The following SLC12A8 variants were observed in gnomAD, a reference collection of about 807,000 sequenced individuals.
SLC12A8 encodes the protein solute carrier family 12 member 8, also known as cation-chloride cotransporter 9.
SLC12A8 carries 69 observed loss-of-function variants against 75.6 expected under a neutral mutation model. The observed-to-expected ratio is 0.91, with a 90% CI of 0.75 to 1.11. The LOEUF (loss-of-function observed/expected upper bound fraction) is 1.11. Ranked by LOEUF, SLC12A8 falls within the 50% of genes most tolerant of loss-of-function variation. The pLI, the probability that SLC12A8 is intolerant of heterozygous loss-of-function variation, is 0.00. For synonymous variants in SLC12A8, 365 were observed against 372.8 expected, an observed-to-expected ratio of 0.98 and a Z score of 0.24; for missense variants, 877 against 896.7, an observed-to-expected ratio of 0.98 and a Z score of 0.28.
intron 10 of SLC12A8, among the ~76,000 whole-genome samples, chr3:125,106,793 T>TG (rs1371465765): frequency 6.6e-6 from 1 of 152,208 alleles, no homozygotes; most frequent in Non-Finnish European, 1.5e-5. Context: ...TGCAGGGTGA[T>TG]GTCCAGCTGT....
chr3:125,129,569 A>T (rs1019507093), intron 6 of SLC12A8, among the ~76,000 whole-genome samples: 3 of 152,158 alleles, frequency 2.0e-5, no homozygotes, highest in Non-Finnish European at 4.4e-5. Flanking sequence ...GGGATAAAAT[A>T]TCTGAAGTAA....
At chr3:125,167,363 C>A (rs1041592382) in intron 5 of SLC12A8, among the ~76,000 whole-genome samples, 4 of 152,162 alleles carry the variant, frequency 2.6e-5, no homozygotes, top group African/African-American at 9.7e-5. Context: ...CCAGGCTGGT[C>A]TCAAACTCCT....
At chr3:125,125,545 C>A (rs752781792) in intron 6 of SLC12A8, among the ~76,000 whole-genome samples, 4 of 152,064 alleles carry the variant, frequency 2.6e-5, no homozygotes, top group African/African-American at 7.2e-5. Flanking sequence ...GGTGACAGAG[C>A]AAGACTCCGT....
chr3:125,084,216 A>G (rs1560045634), intron 13 of SLC12A8, among the ~76,000 whole-genome samples, 164 bp from the exon 14 acceptor site: 2 of 151,100 alleles, frequency 1.3e-5, no homozygotes, highest in Non-Finnish European at 2.9e-5. Context: ...ATGAACTCAA[A>G]GCATGAGAAA....
At chr3:125,106,340 T>C (rs1939021025) in intron 10 of SLC12A8, among the ~76,000 whole-genome samples, 1 of 149,514 alleles carries the variant, frequency 6.7e-6, no homozygotes, top group African/African-American at 2.5e-5. Flanking sequence ...CTTAAAACAC[T>C]AGGTTTTTGG....
chr3:125,160,083 C>T (rs1203341085), intron 5 of SLC12A8, among the ~76,000 whole-genome samples: 3 of 152,332 alleles, frequency 2.0e-5, no homozygotes, highest in Admixed American at 6.5e-5. Flanking sequence ...CCTGAGACAA[C>T]AGGTGTGCAC....
intron 7 of SLC12A8, 197 bp from the exon 8 acceptor site, chr3:125,119,053 G>A: frequency 2.1e-6 from 1 of 481,608 alleles, no homozygotes; most frequent in Non-Finnish European, 3.8e-6. Context: ...TACCAAAAAA[G>A]GGGTACCATT....
chr3:125,091,760 T>C (rs1938587272), intron 11 of SLC12A8, among the ~76,000 whole-genome samples: 1 of 152,202 alleles, frequency 6.6e-6, no homozygotes, highest in Non-Finnish European at 1.5e-5. Context: ...AATAACTCTT[T>C]AATTAAAACT....
intron 9 of SLC12A8, among the ~76,000 whole-genome samples, chr3:125,109,558 T>C (rs1939131676): frequency 6.6e-6 from 1 of 152,160 alleles, no homozygotes; most frequent in Non-Finnish European, 1.5e-5. Flanking sequence ...AAATGAACTC[T>C]AGCTTGCAAA....
intron 2 of SLC12A8, among the ~76,000 whole-genome samples, chr3:125,208,773 CACACACACACACACACACAGAGAG>C (rs1935275434): frequency 7.8e-6 from 1 of 127,560 alleles, no homozygotes; most frequent in Non-Finnish European, 1.7e-5. Flanking sequence ...CACACACACA[CACACACACACACACACACAGAGAG>C]AGAGAGAGAG....
chr3:125,178,602 T>C (rs1198200792), intron 4 of SLC12A8, among the ~76,000 whole-genome samples: 1 of 152,234 alleles, frequency 6.6e-6, no homozygotes, highest in Non-Finnish European at 1.5e-5. Flanking sequence ...CTTATGGATT[T>C]TTTTCCAGTA....
chr3:125,165,094 G>C (rs913747873), intron 5 of SLC12A8, among the ~76,000 whole-genome samples: 1 of 152,180 alleles, frequency 6.6e-6, no homozygotes, highest in Non-Finnish European at 1.5e-5. Context: ...CTGCATCTTT[G>C]AGGAGGGGAA....
intron 4 of SLC12A8, among the ~76,000 whole-genome samples, chr3:125,183,825 G>C (rs1423263510): frequency 1.3e-5 from 2 of 152,056 alleles, no homozygotes; most frequent in South Asian, 2.1e-4. Context: ...AGGGGAGTCT[G>C]TAGTCCATCG....
At chr3:125,125,150 T>C (rs1185957413) in intron 6 of SLC12A8, among the ~76,000 whole-genome samples, 3 of 151,978 alleles carry the variant, frequency 2.0e-5, no homozygotes, top group Non-Finnish European at 4.4e-5. Flanking sequence ...AATGAAAACT[T>C]TCTTCATTAT....
At chr3:125,199,599 G>A (rs1365730076) in intron 2 of SLC12A8, among the ~76,000 whole-genome samples, 1 of 136,210 alleles carries the variant, frequency 7.3e-6, no homozygotes, top group African/African-American at 2.6e-5. Flanking sequence ...AAAAAAAAAA[G>A]GCCAGGTGTG....
chr3:125,139,258 G>A (rs1278539237), intron 5 of SLC12A8, among the ~76,000 whole-genome samples: 1 of 152,114 alleles, frequency 6.6e-6, no homozygotes, highest in Non-Finnish European at 1.5e-5. Flanking sequence ...GAGAGAGGGT[G>A]AGAACACCCC....
intron 6 of SLC12A8, among the ~76,000 whole-genome samples, chr3:125,133,717 C>G (rs532041458): frequency 8.8e-4 from 134 of 152,280 alleles, no homozygotes; most frequent in African/African-American, 3.1e-3. Context: ...TGAGCCACTG[C>G]GCCCGGCCAA....
In SLC12A8 at chr3:125,136,241, C is replaced by T. The variant is rs185867381; in HGVS notation, c.623-459G>A. Among the ~76,000 whole-genome samples, 18 of 152,260 alleles carry T rather than the reference C, an allele frequency of 1.2e-4. No individual in the cohort carries two copies. The East Asian group carries it at 2.9e-3, about 25-fold the overall frequency. On this transcript the variant is annotated intron_variant, in intron 5 of 13. Transcript: ENST00000469902. ...GCCTCCACAACCTGGCAACAGCCAC[C>T]GCTCCCTACTCATCCCTTGCTTTTT...
Position 125,203,172 on chromosome 3 carries a change from AG to A in SLC12A8, c.51+8126del, listed in dbSNP as rs1935161832. 2.0e-5 allele frequency among the ~76,000 whole-genome samples: 3 copies of A among 151,820 alleles called. No individual in the cohort carries two copies. The South Asian group carries it at 6.2e-4, about 32-fold the overall frequency. ...CCATACTATGCAAAGCAATCTACAG[AG>A]TCAATACAATCCCTATTGAAATACC... On this transcript the variant is annotated intron_variant, in intron 2 of 13. Transcript: ENST00000469902.
Sources: gnomAD v4.1 joint callset for allele counts (sites outside exome capture counted in the v4.1 genomes callset) on GRCh38, gnomAD v4.1.1 for gene constraint, MANE v1.5 for transcripts, NCBI Gene and HGNC (gene_info 2026-07-23, HGNC 2026-07-21) for gene names.